Variants in STK31 observed in about 807,000 individuals in gnomAD.
STK31 encodes serine/threonine-protein kinase 31.
Under a neutral mutation model 129.7 loss-of-function variants are expected in STK31, and 89 were observed. The ratio of observed to expected loss-of-function variants is 0.69; its 90% CI spans 0.58 to 0.82. The LOEUF is 0.82. STK31 is among the 40% of genes least tolerant of loss of function. The pLI is 0.00. For synonymous variants in STK31, 448 were observed against 395.3 expected, an observed-to-expected ratio of 1.13 and a Z score of -1.58; for missense variants, 1,187 against 1,176.4, an observed-to-expected ratio of 1.01 and a Z score of -0.13.
intron 8 of STK31, 48 bp from the exon 9 acceptor site, chr7:23,752,669 C>T: frequency 7.4e-7 from 1 of 1,344,170 alleles, no homozygotes. Context: ...AGCAGAAATA[C>T]AGTTTCCTAT....
chr7:23,731,258 G>GA (rs1430997420), intron 6 of STK31, among the ~76,000 whole-genome samples: 4 of 151,776 alleles, frequency 2.6e-5, no homozygotes, highest in African/African-American at 7.3e-5. Context: ...ATGTTTTCTG[G>GA]AAAAAAATGA....
At chr7:23,757,209 A>G (rs1334298567) in intron 10 of STK31, among the ~76,000 whole-genome samples, 1 of 151,936 alleles carries the variant, frequency 6.6e-6, no homozygotes, top group African/African-American at 2.4e-5. Flanking sequence ...CTTCTTCCAG[A>G]AGGGGTGGCC....
At chr7:23,734,617 T>C (rs1421261915) in intron 6 of STK31, among the ~76,000 whole-genome samples, 2 of 152,220 alleles carry the variant, frequency 1.3e-5, no homozygotes, top group Non-Finnish European at 2.9e-5. Context: ...TAATTTCTCA[T>C]ATGCCAGTTG....
At chr7:23,819,822 A>C (rs1046253466) in intron 23 of STK31, among the ~76,000 whole-genome samples, 1 of 152,142 alleles carries the variant, frequency 6.6e-6, no homozygotes, top group African/African-American at 2.4e-5. Context: ...TACATGTTCT[A>C]ATACAAATAA....
chr7:23,729,467 T>C (rs987332234), intron 6 of STK31, among the ~76,000 whole-genome samples: 2 of 151,768 alleles, frequency 1.3e-5, no homozygotes, highest in African/African-American at 2.4e-5. Context: ...TATATGTAAA[T>C]AGTTTCCTTC....
intron 15 of STK31, among the ~76,000 whole-genome samples, chr7:23,775,645 T>C (rs978444566): frequency 6.6e-6 from 1 of 152,192 alleles, no homozygotes; most frequent in African/African-American, 2.4e-5. Flanking sequence ...ATTATTGGTG[T>C]ATAGGAATGC....
intron 21 of STK31, 124 bp from the exon 22 acceptor site, chr7:23,790,700 T>G: frequency 9.9e-7 from 1 of 1,005,276 alleles, no homozygotes; most frequent in Non-Finnish European, 1.4e-6. Context: ...TAAAAATATT[T>G]GAAAGCAAGG....
intron 15 of STK31, 117 bp downstream of exon 15, chr7:23,772,395 A>G: frequency 1.9e-6 from 2 of 1,059,456 alleles, no homozygotes; most frequent in Non-Finnish European, 2.7e-6. Context: ...TTACATTCAC[A>G]TTTTGTTTTA....
At chr7:23,814,922 T>A (rs1793378100) in intron 22 of STK31, among the ~76,000 whole-genome samples, 2 of 152,288 alleles carry the variant, frequency 1.3e-5, no homozygotes, top group South Asian at 4.1e-4. Flanking sequence ...TTAAAGTGTT[T>A]ATAGTGTGTA....
intron 23 of STK31, among the ~76,000 whole-genome samples, chr7:23,827,815 C>T (rs1794267924): frequency 2.0e-5 from 3 of 152,170 alleles, no homozygotes. Context: ...TTCTAACAGT[C>T]AGGACCCTCT....
At chr7:23,809,803 C>A (rs1454669518) in intron 22 of STK31, among the ~76,000 whole-genome samples, 1 of 144,036 alleles carries the variant, frequency 6.9e-6, no homozygotes, top group African/African-American at 2.7e-5. Context: ...CCGTAACATA[C>A]AATATGGGGT....
intron 8 of STK31, among the ~76,000 whole-genome samples, chr7:23,752,001 A>G (rs904775989): frequency 6.6e-6 from 1 of 152,074 alleles, no homozygotes; most frequent in African/African-American, 2.4e-5. Context: ...GTAGTGTTTG[A>G]GAGATAGAGT....
rs1180844103 is a variant in STK31 at position 23,752,852 on chromosome 7, T to G, written c.1133+20T>G. ...AATGAGGTAGGTAAAAGCATATTTT[T>G]CAGAAGGATATTTTAAACTAATTTT... is the stretch of plus-strand genomic sequence containing the variant. On this transcript the variant is annotated intron_variant, in intron 9 of 23. Coordinates refer to ENST00000355870, the MANE Select transcript of STK31 (RefSeq NM_031414.5). 6.7e-7 allele frequency: 1 copy of G among 1,491,486 alleles called. No homozygotes were observed. 92.4% of individuals were successfully genotyped at this position (1,491,486 alleles called of 1,614,324 possible). A position where few individuals can be genotyped will look rare whatever the true frequency, so the allele number is the denominator to read the frequency against.
intron 8 of STK31, among the ~76,000 whole-genome samples, chr7:23,737,440 C>T (rs1308957552): frequency 6.6e-6 from 1 of 152,294 alleles, no homozygotes; most frequent in Non-Finnish European, 1.5e-5. Context: ...TAAAAATTTA[C>T]ACTTCCTGGA....
At chr7:23,778,503 A>G (rs1443069856) in intron 15 of STK31, among the ~76,000 whole-genome samples, 4 of 152,068 alleles carry the variant, frequency 2.6e-5, no homozygotes, top group Non-Finnish European at 5.9e-5. Context: ...CTTTTCACAT[A>G]GTCGAATATT....
intron 22 of STK31, among the ~76,000 whole-genome samples, chr7:23,812,744 A>G (rs1328482436): frequency 6.6e-6 from 1 of 151,618 alleles, no homozygotes; most frequent in Admixed American, 6.6e-5. Flanking sequence ...TTTAGCTCCT[A>G]CTTATAAGTG....
chr7:23,747,669 G>T (rs1788445312), intron 8 of STK31, among the ~76,000 whole-genome samples: 1 of 152,102 alleles, frequency 6.6e-6, no homozygotes, highest in African/African-American at 2.4e-5. Context: ...TGCCCGGCCT[G>T]TTCAGATTAT....
At chr7:23,810,684 ATAT>A (rs1463178319) in intron 22 of STK31, among the ~76,000 whole-genome samples, 92 of 123,180 alleles carry the variant, frequency 7.5e-4, no homozygotes, top group Middle Eastern at 4.2e-3. Context: ...TATAAAATAG[ATAT>A]TATATATAAA....
In STK31 at chr7:23,797,308, A is replaced by G. The variant is rs537491941; in HGVS notation, c.2760+6362A>G. On this transcript the variant is annotated intron_variant, in intron 22 of 23. Transcript: ENST00000355870. ...ACTCTCCACCCCAAATCAACAGCGT[A>G]TACATTCTTTTCAGCACCACATAAC... 5.9e-5 allele frequency among the ~76,000 whole-genome samples: 9 copies of G among 152,342 alleles called. 2 individuals are homozygous for G. The highest frequency in any genetic ancestry group is 1.9e-4 in the African/African-American group (8 of 41,574).
Sources: gnomAD v4.1 joint callset for allele counts (sites outside exome capture counted in the v4.1 genomes callset) on GRCh38, gnomAD v4.1.1 for gene constraint, MANE v1.5 for transcripts, NCBI Gene and HGNC (gene_info 2026-07-23, HGNC 2026-07-21) for gene names.